CACNB4: variants seen among roughly 807,000 people sequenced by gnomAD.
CACNB4 encodes voltage-dependent L-type calcium channel subunit beta-4.
CACNB4 carries 32 observed loss-of-function variants against 71.2 expected under a neutral mutation model. That is an observed-to-expected ratio of 0.45 (90% CI 0.34 to 0.60). The LOEUF is 0.60. CACNB4 is among the 20% of genes least tolerant of loss of function. The probability of loss-of-function intolerance (pLI) is 0.01; values close to 1 mark genes in which losing one functional copy is unlikely to be tolerated. For synonymous variants in CACNB4, 231 were observed against 236.9 expected, an observed-to-expected ratio of 0.97 and a Z score of 0.23; for missense variants, 464 against 647.9, an observed-to-expected ratio of 0.72 and a Z score of 3.08.
intron 2 of CACNB4, among the ~76,000 whole-genome samples, chr2:152,043,587 T>C (rs1050583014): frequency 7.2e-5 from 11 of 152,218 alleles, no homozygotes; most frequent in Admixed American, 5.2e-4. Flanking sequence ...CCCAAAGTGC[T>C]GGGATTACAC....
At chr2:151,976,509 T>G (rs1175598381) in intron 2 of CACNB4, among the ~76,000 whole-genome samples, 1 of 152,142 alleles carries the variant, frequency 6.6e-6, no homozygotes, top group Non-Finnish European at 1.5e-5. Flanking sequence ...CCATCAGAAG[T>G]CATTTTGTTC....
chr2:151,880,960 A>G, intron 3 of CACNB4, 38 bp from the exon 4 acceptor site: 1 of 1,554,510 alleles, frequency 6.4e-7, no homozygotes, highest in Non-Finnish European at 8.7e-7. Context: ...TGAGGAAGGG[A>G]GGAGAGAGGA....
At chr2:151,884,973 A>G (rs2099848987) in intron 2 of CACNB4, among the ~76,000 whole-genome samples, 1 of 152,196 alleles carries the variant, frequency 6.6e-6, no homozygotes, top group Non-Finnish European at 1.5e-5. Context: ...GAAATAGTTG[A>G]CTGCTGAATC....
chr2:152,098,402 G>A lies in CACNB4; in HGVS notation c.75C>T (p.Gly25=), dbSNP rs1688399099. The A allele has an allele frequency of 1.2e-6, 2 of 1,613,262 alleles. No individual in the cohort carries two copies. Among genetic ancestry groups the A allele is most frequent in the Non-Finnish European group, 1.7e-6 (2 of 1,179,316 alleles). ...PHSPTSQVAR[G]TTTRRSRLKR... ...TCAACCTGCTCCTCCGGGTTGTGGTGCCTCGGGCCACCTGGACTCGACACA... is the reference window on the plus strand; with the variant it reads ...TCAACCTGCTCCTCCGGGTTGTGGTACCTCGGGCCACCTGGACTCGACACA... Residue 25 remains glycine, a synonymous_variant, in exon 2 of 14, where the codon GGC becomes GGT. Coordinates refer to ENST00000539935, the MANE Select transcript of CACNB4 (RefSeq NM_000726.5). The surrounding 1 kb of genome is among the most constrained non-coding windows in gnomAD (Gnocchi z 5.3).
At position 152,054,902 on chromosome 2, in the gene CACNB4, C is replaced by T. The variant is rs927402337; in HGVS notation, c.147+43428G>A. ...GACAAATGTCTATTCCTATCCATTG[C>T]CTATTTTTGAAACGTCTTTTCTACT... On this transcript the variant is annotated intron_variant, in intron 2 of 13. Coordinates refer to ENST00000539935, the MANE Select transcript of CACNB4 (RefSeq NM_000726.5). Among the ~76,000 whole-genome samples, 16 of 152,212 alleles carry T rather than the reference C, an allele frequency of 1.1e-4. No homozygotes were observed. In the East Asian group the frequency reaches 1.9e-3, roughly 18 times the overall value.
intron 2 of CACNB4, chr2:151,971,752 C>G (rs1391563749): frequency 1.6e-5 from 10 of 629,082 alleles, no homozygotes; most frequent in African/African-American, 7.3e-5. Flanking sequence ...TCAGTTCACC[C>G]CTCCGAACAT....
At chr2:152,027,283 C>T (rs1199310858) in intron 2 of CACNB4, among the ~76,000 whole-genome samples, 4 of 152,232 alleles carry the variant, frequency 2.6e-5, no homozygotes, top group Non-Finnish European at 4.4e-5. Flanking sequence ...CCTTCATCTC[C>T]TTTGTATTGT....
intron 2 of CACNB4, among the ~76,000 whole-genome samples, chr2:151,944,705 T>A (rs933529695): frequency 1.3e-5 from 2 of 152,128 alleles, no homozygotes; most frequent in African/African-American, 4.8e-5. Context: ...GGCAGAAGAA[T>A]TGCTTGAACC....
At chr2:152,038,939 G>C (rs35078059) in intron 2 of CACNB4, among the ~76,000 whole-genome samples, 7 of 152,132 alleles carry the variant, frequency 4.6e-5, no homozygotes, top group African/African-American at 1.7e-4. Context: ...TGGCCCATTG[G>C]CTAGAGCTCT....
At chr2:152,042,125 T>G (rs79266525) in intron 2 of CACNB4, among the ~76,000 whole-genome samples, 2,529 of 152,302 alleles carry the variant, frequency 0.017, 66 homozygotes, top group African/African-American at 0.058. Flanking sequence ...TAGGGCCAGG[T>G]AAATGACTCT....
intron 2 of CACNB4, chr2:151,971,423 C>T (rs2099872521): frequency 1.4e-6 from 1 of 691,124 alleles, no homozygotes; most frequent in East Asian, 2.7e-5. Flanking sequence ...GTGCCGTACT[C>T]AGCTTTTAGT....
At chr2:151,986,084 T>C (rs1246045452) in intron 2 of CACNB4, among the ~76,000 whole-genome samples, 2 of 152,208 alleles carry the variant, frequency 1.3e-5, no homozygotes, top group Non-Finnish European at 2.9e-5. Context: ...CTTAGGCATA[T>C]GAAGAAGAGC....
chr2:151,839,000 G>T lies in CACNB4; in HGVS notation c.*119C>A. On this transcript the variant is annotated 3_prime_UTR_variant, in exon 14 of 14. Coordinates refer to ENST00000539935, the MANE Select transcript of CACNB4 (RefSeq NM_000726.5). ...TTTTGCCCCTTACTTAGCATAAAAT[G>T]ACAGCAGCCCATTAGCACAGTAAAT... is the stretch of plus-strand genomic sequence containing the variant. 2.4e-6 allele frequency: 2 copies of T among 824,626 alleles called. No individual in the cohort carries two copies. Among genetic ancestry groups the T allele is most frequent in the Non-Finnish European group, 3.7e-6 (2 of 544,148 alleles). 51.1% of individuals were successfully genotyped at this position (824,626 alleles called of 1,614,324 possible).
chr2:152,010,703 C>A lies in CACNB4; in HGVS notation c.147+87627G>T, dbSNP rs189251757. Reference sequence around the variant, plus strand: ...AAGTGGCAGAGCTGGATCTTGAGCCCAGGTGCATCTGAGGGCAAAGCCTGG... The same window carrying A: ...AAGTGGCAGAGCTGGATCTTGAGCCAAGGTGCATCTGAGGGCAAAGCCTGG... On this transcript the variant is annotated intron_variant, in intron 2 of 13. Coordinates refer to ENST00000539935, the MANE Select transcript of CACNB4 (RefSeq NM_000726.5). Among the ~76,000 whole-genome samples, 384 of 152,292 alleles carry A rather than the reference C, an allele frequency of 2.5e-3. 4 individuals are homozygous for A. The highest frequency in any genetic ancestry group is 8.6e-3 in the African/African-American group (359 of 41,556).
intron 2 of CACNB4, among the ~76,000 whole-genome samples, chr2:151,920,073 A>C (rs952514082): frequency 6.6e-6 from 1 of 152,190 alleles, no homozygotes; most frequent in Non-Finnish European, 1.5e-5. Flanking sequence ...TATTATGGCA[A>C]CCTAATAAGT....
At position 151,950,952 on chromosome 2, in the gene CACNB4, T is replaced by A. The variant is rs141017527; in HGVS notation, c.148-67582A>T. ...GAATTGTTCATTTATTTATTTATTT[T>A]TTTGAGACGGAGTCTTGCTCTGTCA... On this transcript the variant is annotated intron_variant, in intron 2 of 13. Transcript: ENST00000539935. 7.0e-4 allele frequency among the ~76,000 whole-genome samples: 106 copies of A among 152,352 alleles called. 2 individuals carry two copies. In the East Asian group the frequency reaches 0.017, roughly 24 times the overall value.
In CACNB4 at chr2:152,035,610, T is replaced by C. The variant is rs1297882601; in HGVS notation, c.147+62720A>G. ...CTCCCTCTCTCTCTCTCTTTCTCTC[T>C]CTCTCTCTCCCTCCCTCTCCCTCTC... On this transcript the variant is annotated intron_variant, in intron 2 of 13. Transcript: ENST00000539935. Among the ~76,000 whole-genome samples the C allele has an allele frequency of 3.9e-3, 487 of 124,046 alleles. 1 individual carries two copies. Among genetic ancestry groups the C allele is most frequent in the Non-Finnish European group, 6.2e-3 (364 of 58,680 alleles). 81.4% of individuals were successfully genotyped at this position (124,046 alleles called of 152,430 possible).
chr2:151,869,343 T>A (rs938414646), intron 8 of CACNB4, 108 bp from the exon 9 acceptor site: 3 of 657,318 alleles, frequency 4.6e-6, no homozygotes, highest in Non-Finnish European at 8.2e-6. Context: ...CAAGACCTTA[T>A]TGTAGCCATT....
At chr2:151,940,078 T>G (rs769665491) in intron 2 of CACNB4, among the ~76,000 whole-genome samples, 6 of 152,240 alleles carry the variant, frequency 3.9e-5, no homozygotes, top group Non-Finnish European at 8.8e-5. Flanking sequence ...TTAGTTTATC[T>G]ACATGATTGG....
Sources: allele counts gnomAD v4.1 joint callset (sites outside exome capture counted in the v4.1 genomes callset), GRCh38; gene constraint gnomAD v4.1.1; non-coding constraint Gnocchi (gnomAD v3.1); transcripts MANE v1.5; gene names NCBI Gene and HGNC (gene_info 2026-07-23, HGNC 2026-07-21).